PFKP: variants seen among roughly 807,000 people sequenced by gnomAD.
PFKP encodes the protein ATP-dependent 6-phosphofructokinase, platelet type.
Under a neutral mutation model 94.3 loss-of-function variants are expected in PFKP, and 101 were observed. The ratio of observed to expected loss-of-function variants is 1.07; its 90% CI spans 0.91 to 1.26. The LOEUF (loss-of-function observed/expected upper bound fraction) is 1.26. Ranked by LOEUF, PFKP falls within the 50% of genes most tolerant of loss-of-function variation. The pLI, the probability that PFKP is intolerant of heterozygous loss-of-function variation, is 0.00. For missense variants in PFKP, 1,145 were observed against 1,103.3 expected (o/e 1.04, Z -0.53); for synonymous variants, 573 against 432.6 (o/e 1.32, Z -4.03).
In PFKP at chr10:3,116,695, G is replaced by A. The variant is rs941815231; in HGVS notation, c.1372-81G>A. The A allele has an allele frequency of 7.7e-6, 8 of 1,036,540 alleles. No individual in the cohort carries two copies. In the African/African-American group the frequency reaches 1.3e-4, roughly 16 times the overall value. 64.2% of individuals were successfully genotyped at this position (1,036,540 alleles called of 1,614,324 possible). A position where few individuals can be genotyped will look rare whatever the true frequency, so the allele number is the denominator to read the frequency against. On this transcript the variant is annotated intron_variant, in intron 13 of 21. Coordinates refer to ENST00000381125, the MANE Select transcript of PFKP (RefSeq NM_002627.5). ...TTACCGGAATGCAGCTTGTTGAAAA[G>A]TACAGAAAGCTATTTTTAGCACTTT... is the stretch of plus-strand genomic sequence containing the variant.
chr10:3,136,413 C>T (rs753409182), intron 21 of PFKP, 37 bp from the exon 22 acceptor site: 1 of 1,610,364 alleles, frequency 6.2e-7, no homozygotes, highest in Non-Finnish European at 8.5e-7. Context: ...CCGCCAGTGA[C>T]TGCAGGCCTC....
Position 3,129,915 on chromosome 10 carries a change from G to C in PFKP, c.1780G>C (p.Gly594Arg), listed in dbSNP as rs1318502203. 6.2e-7 allele frequency: 1 copy of C among 1,612,384 alleles called. No homozygotes were observed. Among genetic ancestry groups the C allele is most frequent in the Non-Finnish European group, 8.5e-7 (1 of 1,179,372 alleles). The change falls in exon 17 of 22, where the codon GGG becomes CGG. Residue 594 changes from glycine to arginine, a missense_variant. By Grantham distance (125) the Gly-to-Arg change is moderately radical. Transcript: ENST00000381125. ...GGYCGYLANM[G>R]GLAAGADAAY... is the part of the protein sequence containing the mutation. The stretch of plus-strand genomic sequence containing the variant: ...CTACTGTGGCTACCTGGCCAACATG[G>C]GGGGGCTCGCGGCCGGAGCTGATGC...
In PFKP at chr10:3,113,143, C is replaced by T; in HGVS notation, c.1179C>T (p.Thr393=). The change falls in exon 12 of 22, where the codon ACC becomes ACT. Residue 393 remains threonine (T), a synonymous_variant. Transcript: ENST00000381125. ...RGRSFAGNLN[T]YKRLAIKLPD... is the part of the protein sequence containing the mutation. ...GGAGCTTTGCGGGCAACCTGAACAC[C>T]TACAAGCGACTTGCCATCAAGCTGC... 4 of 1,613,274 alleles carry T rather than the reference C, an allele frequency of 2.5e-6. No individual in the cohort carries two copies. The highest frequency in any genetic ancestry group is 1.1e-5 in the South Asian group (1 of 90,892).
chr10:3,117,445 C>G (rs1564331225), intron 14 of PFKP, among the ~76,000 whole-genome samples: 1 of 152,208 alleles, frequency 6.6e-6, no homozygotes, highest in African/African-American at 2.4e-5. Context: ...TCTGTCATCA[C>G]TACACATTAC....
rs536429024 is a variant in PFKP, at chr10:3,106,218, G to C, written c.774+717G>C. Among the ~76,000 whole-genome samples, 116 of 150,756 alleles carry C rather than the reference G, an allele frequency of 7.7e-4. 3 individuals carry two copies. In the South Asian group the frequency reaches 0.015, roughly 20 times the overall value. Reference sequence around the variant, plus strand: ...TGGAGGGAGGCAGAAAGCATGGCGTGCACGGGGCGCCTGTGGGGCGTCCAC... The same window carrying C: ...TGGAGGGAGGCAGAAAGCATGGCGTCCACGGGGCGCCTGTGGGGCGTCCAC... On this transcript the variant is annotated intron_variant, in intron 7 of 21. Coordinates refer to ENST00000381125, the MANE Select transcript of PFKP (RefSeq NM_002627.5).
chr10:3,072,031 C>T lies in PFKP; in HGVS notation c.112+4324C>T, dbSNP rs866041336. 7.9e-5 allele frequency among the ~76,000 whole-genome samples: 12 copies of T among 152,318 alleles called. No homozygotes were observed. In the South Asian group the frequency reaches 1.4e-3, roughly 18 times the overall value. On this transcript the variant is annotated intron_variant, in intron 1 of 21. Coordinates refer to ENST00000381125, the MANE Select transcript of PFKP (RefSeq NM_002627.5). ...TGCGTCTTCACTGGTGTCTTTCCCGCGCCCAGCACCATGCCTGGCGCTTCG... is the reference window on the plus strand; with the variant it reads ...TGCGTCTTCACTGGTGTCTTTCCCGTGCCCAGCACCATGCCTGGCGCTTCG...
chr10:3,086,373 C>T (rs1049913622), intron 2 of PFKP, among the ~76,000 whole-genome samples: 1 of 152,238 alleles, frequency 6.6e-6, no homozygotes, highest in East Asian at 1.9e-4. Flanking sequence ...TTCACTTTCT[C>T]CGCGTCACCA....
Position 3,115,344 on chromosome 10 carries a change from TGGGGA to T in PFKP, c.1372-1431_1372-1427del, listed in dbSNP as rs1477363355. On this transcript the variant is annotated intron_variant, in intron 13 of 21. Coordinates refer to ENST00000381125, the MANE Select transcript of PFKP (RefSeq NM_002627.5). ...TGTGTCCCACGGCGGAGGACAGGAC[TGGGGA>T]TGCTGGAGTGAAGGTGTGTGTCCCG... Among the ~76,000 whole-genome samples, 6 of 84,736 alleles carry T rather than the reference TGGGGA, an allele frequency of 7.1e-5. 1 individual carries two copies. The highest frequency in any genetic ancestry group is 6.6e-4 in the Admixed American group (6 of 9,144). 55.6% of individuals were successfully genotyped at this position (84,736 alleles called of 152,430 possible). A position where few individuals can be genotyped will look rare whatever the true frequency, so the allele number is the denominator to read the frequency against.
rs898141569 is a variant in PFKP, at chr10:3,133,849, C to A, written c.2022+535C>A. Among the ~76,000 whole-genome samples the A allele has an allele frequency of 3.3e-5, 5 of 152,202 alleles. No individual in the cohort carries two copies. In the South Asian group the frequency reaches 8.3e-4, roughly 25 times the overall value. ...TCAGCTTTCATGAAAACAGTGATACCCCCATTACTTGGAAATGCTTATTCA... is the reference window on the plus strand; with the variant it reads ...TCAGCTTTCATGAAAACAGTGATACACCCATTACTTGGAAATGCTTATTCA... On this transcript the variant is annotated intron_variant, in intron 19 of 21. Coordinates refer to ENST00000381125, the MANE Select transcript of PFKP (RefSeq NM_002627.5).
intron 2 of PFKP, among the ~76,000 whole-genome samples, chr10:3,093,028 G>A (rs1296400652): frequency 6.6e-6 from 1 of 150,794 alleles, no homozygotes; most frequent in Non-Finnish European, 1.5e-5. Context: ...GTGTGGAAGG[G>A]GGTGGCCACA....
chr10:3,105,307 C>A, intron 6 of PFKP, 86 bp from the exon 7 acceptor site: 2 of 1,321,998 alleles, frequency 1.5e-6, no homozygotes, highest in Non-Finnish European at 2.2e-6. Flanking sequence ...GTTAGGTCTG[C>A]ACGTCTGTCG....
chr10:3,120,241 ACCT>A (rs1422959139), intron 16 of PFKP, among the ~76,000 whole-genome samples, 197 bp downstream of exon 16: 1 of 151,942 alleles, frequency 6.6e-6, no homozygotes, highest in East Asian at 1.9e-4. Context: ...GAGTTTTACC[ACCT>A]CTTCTTCTGT....
intron 16 of PFKP, among the ~76,000 whole-genome samples, chr10:3,127,689 T>C (rs1004589168): frequency 6.6e-6 from 1 of 152,222 alleles, no homozygotes; most frequent in African/African-American, 2.4e-5. Context: ...TTTGGACCCT[T>C]GACGGGGATC....
intron 7 of PFKP, 23 bp from the exon 8 acceptor site, chr10:3,107,191 G>A: frequency 1.4e-6 from 2 of 1,419,522 alleles, no homozygotes; most frequent in South Asian, 1.1e-5. Flanking sequence ...GAATTTGAGA[G>A]CTTTAATTTT....
intron 16 of PFKP, chr10:3,129,500 T>C (rs1242329650): frequency 3.1e-6 from 1 of 323,308 alleles, no homozygotes; most frequent in African/African-American, 2.2e-5. Flanking sequence ...CAGCGTGGAG[T>C]GAGCTGGCTT....
In PFKP at chr10:3,099,495, G is replaced by C. The variant is rs1287376685; in HGVS notation, c.264+143G>C. 4 of 684,760 alleles carry C rather than the reference G, an allele frequency of 5.8e-6. No homozygotes were observed. In the East Asian group the frequency reaches 1.0e-4, roughly 17 times the overall value. 42.4% of individuals were successfully genotyped at this position (684,760 alleles called of 1,614,324 possible). A position where few individuals can be genotyped will look rare whatever the true frequency, so the allele number is the denominator to read the frequency against. ...AGACTTTGTGAGCAGCTCTTTACTTGTGGTTTGATTTTTAGAAATGCATGT... is the reference window on the plus strand; with the variant it reads ...AGACTTTGTGAGCAGCTCTTTACTTCTGGTTTGATTTTTAGAAATGCATGT... On this transcript the variant is annotated intron_variant, in intron 3 of 21. Transcript: ENST00000381125.
In PFKP at chr10:3,133,325, G is replaced by C. The variant is rs1031604661; in HGVS notation, c.2022+11G>C. ...GGTCACATGCAGCAGGTAGGCCCGA[G>C]ACTGCATGAGGGGCCACAAAGCCCC... On this transcript the variant is annotated intron_variant, in intron 19 of 21. Coordinates refer to ENST00000381125, the MANE Select transcript of PFKP (RefSeq NM_002627.5). The C allele has an allele frequency of 8.4e-6, 13 of 1,542,848 alleles. No homozygotes were observed. The highest frequency in any genetic ancestry group is 1.2e-5 in the Non-Finnish European group (13 of 1,114,976).
chr10:3,133,130 G>A (rs977477888), intron 18 of PFKP, 73 bp from the exon 19 acceptor site: 2 of 1,047,084 alleles, frequency 1.9e-6, no homozygotes, highest in Admixed American at 3.4e-5. Context: ...AGCCTCCCAG[G>A]GCCATCTCCC....
At chr10:3,135,604 G>GTC (rs1302437022) in intron 20 of PFKP, 132 bp from the exon 21 acceptor site, 1 of 614,610 alleles carries the variant, frequency 1.6e-6, no homozygotes, top group African/African-American at 1.9e-5. Context: ...GCTGTTCTCA[G>GTC]TCTCACTGGG....
Sources: allele counts gnomAD v4.1 joint callset (sites outside exome capture counted in the v4.1 genomes callset), GRCh38; gene constraint gnomAD v4.1.1; transcripts MANE v1.5; gene names NCBI Gene and HGNC (gene_info 2026-07-23, HGNC 2026-07-21).